HYAL4: variants seen among roughly 807,000 people sequenced by gnomAD.
HYAL4 encodes hyaluronidase 4.
A neutral mutation model predicts 35.2 loss-of-function variants in HYAL4; 37 were observed. The observed-to-expected ratio is 1.05, with a 90% CI of 0.81 to 1.38. HYAL4 has a LOEUF of 1.38. Ranked by LOEUF, HYAL4 falls within the 40% of genes most tolerant of loss-of-function variation. The pLI, the probability that HYAL4 is intolerant of heterozygous loss-of-function variation, is 0.00. For missense variants in HYAL4, 572 were observed against 572.4 expected, an observed-to-expected ratio of 1.00 and a Z score of 0.01; for synonymous variants, 198 against 203.2, an observed-to-expected ratio of 0.97 and a Z score of 0.22.
the HYAL4 span, among the ~76,000 whole-genome samples, chr7:123,778,966 T>C: frequency 6.6e-6 from 1 of 152,156 alleles, no homozygotes; most frequent in Admixed American, 6.5e-5. Flanking sequence ...TAAGCAGACA[T>C]TGAAGAGATT....
Position 123,874,759 on chromosome 7 carries a change from A to G in HYAL4, c.955-2A>G. 1 of 1,572,026 alleles carries G rather than the reference A, an allele frequency of 6.4e-7. No individual in the cohort carries two copies. Among genetic ancestry groups the G allele is most frequent in the Non-Finnish European group, 8.8e-7 (1 of 1,141,626 alleles). ...TAATGAACTCTACTGTCTTCAATCTAGCAAGATCTAGTCAGCACCATAGGA... is the reference window on the plus strand; with the variant it reads ...TAATGAACTCTACTGTCTTCAATCTGGCAAGATCTAGTCAGCACCATAGGA... On this transcript the variant is annotated splice_acceptor_variant, in intron 3 of 4. Transcript: ENST00000223026. LOFTEE classifies it high-confidence loss of function.
At chr7:123,851,306 C>T (rs970647970) in intron 2 of HYAL4, among the ~76,000 whole-genome samples, 29 of 152,090 alleles carry the variant, frequency 1.9e-4, no homozygotes, top group African/African-American at 6.3e-4. Flanking sequence ...GGGTTTGTTA[C>T]GTAGCTATAC....
At chr7:123,805,543 C>T in the HYAL4 span, among the ~76,000 whole-genome samples, 34 of 151,964 alleles carry the variant, frequency 2.2e-4, no homozygotes, top group Admixed American at 2.2e-3. Context: ...GCTAGGTAGA[C>T]ATTGATAATT....
the HYAL4 span, among the ~76,000 whole-genome samples, chr7:123,810,325 C>G: frequency 6.6e-6 from 1 of 150,698 alleles, no homozygotes; most frequent in Non-Finnish European, 1.5e-5. Flanking sequence ...CAACAAGAAA[C>G]TGGAAAAAAA....
upstream of HYAL4, among the ~76,000 whole-genome samples, chr7:123,825,030 T>C (rs1805781288): frequency 6.6e-6 from 1 of 152,150 alleles, no homozygotes; most frequent in East Asian, 1.9e-4. Flanking sequence ...CATTTATATA[T>C]GCTGGAGATG....
the HYAL4 span, among the ~76,000 whole-genome samples, chr7:123,816,685 G>C: frequency 6.6e-6 from 1 of 151,952 alleles, no homozygotes; most frequent in Non-Finnish European, 1.5e-5. Context: ...TATCACCTCT[G>C]AGCTCTACTT....
At chr7:123,801,607 G>A in the HYAL4 span, among the ~76,000 whole-genome samples, 3 of 151,934 alleles carry the variant, frequency 2.0e-5, no homozygotes, top group Non-Finnish European at 4.4e-5. Flanking sequence ...TAAAAAATAA[G>A]GTAAGTAAAT....
At chr7:123,857,673 C>CTTTGTTTGTTTGTTTG (rs1344469904) in intron 2 of HYAL4, among the ~76,000 whole-genome samples, 4 of 60,896 alleles carry the variant, frequency 6.6e-5, no homozygotes, top group African/African-American at 2.4e-4. Context: ...TTGTTTGTTT[C>CTTTGTTTGTTTGTTTG]TTTCTTTCTT....
intron 3 of HYAL4, among the ~76,000 whole-genome samples, chr7:123,869,789 G>A (rs769720000): frequency 1.3e-5 from 2 of 151,662 alleles, no homozygotes; most frequent in Non-Finnish European, 2.9e-5. Flanking sequence ...CTGGGTTCAA[G>A]CGATTCTCCT....
chr7:123,784,528 T>C, the HYAL4 span, among the ~76,000 whole-genome samples: 3 of 152,296 alleles, frequency 2.0e-5, no homozygotes, highest in African/African-American at 7.2e-5. Flanking sequence ...AAGAAAGGAA[T>C]GAGAAGGTCA....
chr7:123,814,189 A>G, the HYAL4 span: 2 of 152,546 alleles, frequency 1.3e-5, no homozygotes, highest in African/African-American at 2.4e-5. Flanking sequence ...TCTTTATCCT[A>G]TTAACTCAGG....
chr7:123,835,517 T>C (rs1057412932), intron 1 of HYAL4, among the ~76,000 whole-genome samples: 2 of 152,174 alleles, frequency 1.3e-5, no homozygotes, highest in Non-Finnish European at 2.9e-5. Context: ...TTTACTTATC[T>C]TTTCAAAGAA....
At chr7:123,831,332 C>A (rs2116905865) in intron 1 of HYAL4, among the ~76,000 whole-genome samples, 1 of 152,280 alleles carries the variant, frequency 6.6e-6, no homozygotes, top group African/African-American at 2.4e-5. Context: ...AACTTCCCAG[C>A]CTGCATCTTT....
the HYAL4 span, among the ~76,000 whole-genome samples, chr7:123,813,537 G>C: frequency 6.6e-6 from 1 of 152,146 alleles, no homozygotes; most frequent in Non-Finnish European, 1.5e-5. Context: ...AATCAACACA[G>C]GGTAATTAAC....
intron 1 of HYAL4, among the ~76,000 whole-genome samples, chr7:123,834,504 C>G (rs1023179708): frequency 1.3e-4 from 20 of 152,092 alleles, no homozygotes; most frequent in African/African-American, 4.8e-4. Context: ...TTAGGGTTTT[C>G]TAGGCATGCA....
chr7:123,870,368 A>T (rs1190111098), intron 3 of HYAL4, among the ~76,000 whole-genome samples: 1 of 152,224 alleles, frequency 6.6e-6, no homozygotes, highest in Non-Finnish European at 1.5e-5. Context: ...AGGAAGGAAA[A>T]AAAGTCTCTG....
chr7:123,832,387 G>A (rs1358263003), intron 1 of HYAL4, among the ~76,000 whole-genome samples: 3 of 148,782 alleles, frequency 2.0e-5, no homozygotes, highest in South Asian at 2.1e-4. Context: ...GCCATCACCC[G>A]AGCAGTAATC....
At chr7:123,820,520 T>A in the HYAL4 span, among the ~76,000 whole-genome samples, 1 of 150,692 alleles carries the variant, frequency 6.6e-6, no homozygotes, top group African/African-American at 2.4e-5. Flanking sequence ...GATGCAGAGT[T>A]GGCGGTGAGT....
At chr7:123,793,339 G>A in the HYAL4 span, among the ~76,000 whole-genome samples, 4 of 152,156 alleles carry the variant, frequency 2.6e-5, no homozygotes, top group East Asian at 7.7e-4. Context: ...TTACCCTTAT[G>A]CCTAACTGTT....
Sources: gnomAD v4.1 joint callset for allele counts (sites outside exome capture counted in the v4.1 genomes callset) on GRCh38, gnomAD v4.1.1 for gene constraint, MANE v1.5 for transcripts, NCBI Gene and HGNC (gene_info 2026-07-23, HGNC 2026-07-21) for gene names.